The following NBAS variants were observed in gnomAD, a reference collection of about 807,000 sequenced individuals.
NBAS encodes NBAS subunit of NRZ tethering complex, also known as NAG/BC035112 fusion.
Under a neutral mutation model 302.5 loss-of-function variants are expected in NBAS, and 219 were observed. The observed-to-expected ratio is 0.72, with a 90% CI of 0.65 to 0.81. The LOEUF (loss-of-function observed/expected upper bound fraction) is 0.81. Ranked by LOEUF, NBAS falls within the 30% of genes least tolerant of loss-of-function variation. NBAS has a pLI of 0.00. For synonymous variants in NBAS, 1,118 were observed against 1,021.6 expected (o/e 1.09, Z -1.80); for missense variants, 2,932 against 2,841.6 (o/e 1.03, Z -0.72).
At chr2:15,371,449 C>G (rs573586887) in intron 31 of NBAS, among the ~76,000 whole-genome samples, 1 of 152,100 alleles carries the variant, frequency 6.6e-6, no homozygotes, top group Non-Finnish European at 1.5e-5. Flanking sequence ...TATTACCTAC[C>G]GCCATATTCA....
chr2:14,957,278 CGTGTGTGTGTGT>C, the NBAS span, among the ~76,000 whole-genome samples: 7 of 147,482 alleles, frequency 4.7e-5, no homozygotes, highest in African/African-American at 1.3e-4. Context: ...TATACATATA[CGTGTGTGTGTGT>C]GTGTGTGTGT....
chr2:14,876,659 T>C, the NBAS span, among the ~76,000 whole-genome samples: 2 of 152,222 alleles, frequency 1.3e-5, no homozygotes, highest in Non-Finnish European at 2.9e-5. Context: ...GCCAGAAGAC[T>C]GGGCAAAGAA....
At chr2:14,859,496 A>G in the NBAS span, among the ~76,000 whole-genome samples, 2 of 152,096 alleles carry the variant, frequency 1.3e-5, no homozygotes, top group African/African-American at 4.8e-5. Flanking sequence ...AAACAGACAC[A>G]TGGATCAATG....
At chr2:14,913,475 C>T in the NBAS span, among the ~76,000 whole-genome samples, 1 of 152,132 alleles carries the variant, frequency 6.6e-6, no homozygotes, top group African/African-American at 2.4e-5. Context: ...ATGGGTAAAA[C>T]ATATAGGTGG....
the NBAS span, among the ~76,000 whole-genome samples, chr2:14,932,390 G>A: frequency 1.3e-5 from 2 of 152,112 alleles, no homozygotes; most frequent in South Asian, 4.1e-4. Flanking sequence ...AAAGACAAAG[G>A]GTTCTCATAT....
intron 36 of NBAS, among the ~76,000 whole-genome samples, chr2:15,329,714 G>A (rs1243111258): frequency 2.6e-5 from 4 of 152,100 alleles, no homozygotes; most frequent in African/African-American, 9.7e-5. Flanking sequence ...CTGTGCAGAT[G>A]TCAAGTGTGC....
At chr2:14,787,493 A>T in the NBAS span, among the ~76,000 whole-genome samples, 8 of 152,086 alleles carry the variant, frequency 5.3e-5, no homozygotes, top group African/African-American at 1.9e-4. Flanking sequence ...TGCTTCCTTC[A>T]GGAGCTCTTT....
intron 12 of NBAS, 142 bp downstream of exon 12, chr2:15,488,752 A>G (rs1680737346): frequency 9.3e-7 from 1 of 1,073,482 alleles, no homozygotes; most frequent in Non-Finnish European, 1.4e-6. Flanking sequence ...CACTGTACTG[A>G]TATCATAATT....
At chr2:15,197,105 T>G (rs912628784) in intron 48 of NBAS, among the ~76,000 whole-genome samples, 1 of 152,126 alleles carries the variant, frequency 6.6e-6, no homozygotes, top group African/African-American at 2.4e-5. Flanking sequence ...AGGGGTGCAG[T>G]AGAAAGCAAA....
the NBAS span, among the ~76,000 whole-genome samples, chr2:15,096,658 T>C: frequency 6.6e-6 from 1 of 152,104 alleles, no homozygotes; most frequent in African/African-American, 2.4e-5. Flanking sequence ...GGTGCCATGT[T>C]ACCAAGCACC....
intron 38 of NBAS, among the ~76,000 whole-genome samples, chr2:15,313,989 T>TTTAAATA (rs1671393714): frequency 6.6e-6 from 1 of 152,212 alleles, no homozygotes; most frequent in Non-Finnish European, 1.5e-5. Flanking sequence ...AATTCTTCAG[T>TTTAAATA]GATTGGGTTC....
chr2:15,290,620 A>T (rs1248390843), intron 41 of NBAS, among the ~76,000 whole-genome samples: 3 of 152,192 alleles, frequency 2.0e-5, no homozygotes, highest in Non-Finnish European at 4.4e-5. Flanking sequence ...GGACTTAAGA[A>T]ACCCAAGCTC....
chr2:15,260,937 G>T (rs1572546763), intron 44 of NBAS, among the ~76,000 whole-genome samples: 2 of 152,154 alleles, frequency 1.3e-5, no homozygotes, highest in East Asian at 3.8e-4. Context: ...ACAGTCTAGT[G>T]GTCTGTTTTG....
intron 9 of NBAS, 93 bp downstream of exon 9, chr2:15,534,450 G>C: frequency 1.1e-6 from 1 of 916,266 alleles, no homozygotes; most frequent in Non-Finnish European, 1.8e-6. Context: ...AGGAAATTAA[G>C]AAGTCAACAT....
chr2:15,528,897 ATG>A lies in NBAS; in HGVS notation c.746+5644_746+5645del, dbSNP rs1187523004. On this transcript the variant is annotated intron_variant, in intron 9 of 51. Coordinates refer to ENST00000281513, the MANE Select transcript of NBAS (RefSeq NM_015909.4). ...AAAAAAAATATATATATATATATAT[ATG>A]TGTGTATATATATATACACACACAC... Among the ~76,000 whole-genome samples, 1,383 of 142,292 alleles carry A rather than the reference ATG, an allele frequency of 9.7e-3. 13 individuals carry two copies. The highest frequency in any genetic ancestry group is 0.041 in the East Asian group (198 of 4,874). 93.3% of individuals were successfully genotyped at this position (142,292 alleles called of 152,430 possible).
intron 38 of NBAS, among the ~76,000 whole-genome samples, chr2:15,321,347 T>C (rs1053328884): frequency 2.0e-5 from 3 of 152,174 alleles, no homozygotes; most frequent in African/African-American, 4.8e-5. Flanking sequence ...AAGGACTTCA[T>C]GACTAAAACA....
At chr2:14,944,347 C>T in the NBAS span, among the ~76,000 whole-genome samples, 1 of 147,590 alleles carries the variant, frequency 6.8e-6, no homozygotes, top group Non-Finnish European at 1.5e-5. Context: ...ACTGCTAATC[C>T]CTGCTATGAA....
intron 44 of NBAS, among the ~76,000 whole-genome samples, chr2:15,247,183 A>G (rs1222501311): frequency 6.6e-6 from 1 of 152,180 alleles, no homozygotes; most frequent in African/African-American, 2.4e-5. Flanking sequence ...TCCAGACGCC[A>G]AGAGAGGGTT....
intron 23 of NBAS, 28 bp downstream of exon 23, chr2:15,424,287 C>T (rs774560959): frequency 1.2e-6 from 2 of 1,613,566 alleles, no homozygotes; most frequent in East Asian, 2.2e-5. Context: ...ACTAACATTA[C>T]TGAGCAGCAG....
Sources: gnomAD v4.1 joint callset for allele counts (sites outside exome capture counted in the v4.1 genomes callset) on GRCh38, gnomAD v4.1.1 for gene constraint, MANE v1.5 for transcripts, NCBI Gene and HGNC (gene_info 2026-07-23, HGNC 2026-07-21) for gene names.